Variants in SNTG2 observed in about 807,000 individuals in gnomAD.
SNTG2 encodes the protein syntrophin gamma 2.
A neutral mutation model predicts 70.9 loss-of-function variants in SNTG2; 74 were observed. That is an observed-to-expected ratio of 1.04 (90% CI 0.86 to 1.27). The LOEUF (loss-of-function observed/expected upper bound fraction) is 1.27, where lower values mean the gene tolerates loss of function less well. Ranked by LOEUF, SNTG2 falls within the 50% of genes most tolerant of loss-of-function variation. SNTG2 has a pLI of 0.00. For synonymous variants in SNTG2, 278 were observed against 273.8 expected (o/e 1.02, Z -0.15); for missense variants, 717 against 690.7 (o/e 1.04, Z -0.43).
chr2:1,124,409 C>G (rs999837646), intron 4 of SNTG2, among the ~76,000 whole-genome samples: 2 of 151,890 alleles, frequency 1.3e-5, no homozygotes, highest in African/African-American at 4.8e-5. Context: ...ATTCTCCTGC[C>G]TCAGCCTCCT....
At chr2:1,246,391 C>T (rs1199545728) in intron 11 of SNTG2, among the ~76,000 whole-genome samples, 1 of 152,160 alleles carries the variant, frequency 6.6e-6, no homozygotes, top group Non-Finnish European at 1.5e-5. Context: ...AGGATGCGCC[C>T]ATCCTGGAGC....
intron 7 of SNTG2, among the ~76,000 whole-genome samples, chr2:1,168,937 G>C (rs1670938256): frequency 6.6e-6 from 1 of 152,174 alleles, no homozygotes; most frequent in African/African-American, 2.4e-5. Context: ...GTCACACGCG[G>C]CACAGTGGTG....
At chr2:1,092,967 G>T (rs535935614) in intron 2 of SNTG2, among the ~76,000 whole-genome samples, 1 of 152,296 alleles carries the variant, frequency 6.6e-6, no homozygotes, top group African/African-American at 2.4e-5. Context: ...AGAAAAGCAG[G>T]ATTGACTTTG....
At position 1,073,666 on chromosome 2, in the gene SNTG2, G is replaced by C. The variant is rs935582368; in HGVS notation, c.73-9852G>C. 7.9e-4 allele frequency among the ~76,000 whole-genome samples: 120 copies of C among 152,332 alleles called. 2 individuals are homozygous for C. The highest frequency in any genetic ancestry group is 7.8e-3 in the Admixed American group (119 of 15,308). ...TCTTTCACACACACTACATAGGAAA[G>C]TAGTCATTTAAGTAGATGTAATAAC... On this transcript the variant is annotated intron_variant, in intron 1 of 16. Transcript: ENST00000308624.
chr2:1,263,403 GTAA>G (rs1303902820), intron 13 of SNTG2, among the ~76,000 whole-genome samples: 3 of 151,982 alleles, frequency 2.0e-5, no homozygotes, highest in South Asian at 2.1e-4. Context: ...ACAAAACATA[GTAA>G]TAAGTTTATC....
At chr2:1,099,290 C>T (rs571788676) in intron 4 of SNTG2, among the ~76,000 whole-genome samples, 2 of 152,162 alleles carry the variant, frequency 1.3e-5, no homozygotes, top group Non-Finnish European at 1.5e-5. Context: ...GGAAGCAAGA[C>T]AGAGTGGGCA....
In SNTG2 at chr2:1,209,122, C is replaced by G. The variant is rs190210611; in HGVS notation, c.611C>G (p.Ser204Trp). Residue 204 changes from serine (S) to tryptophan (W), a missense_variant, in exon 9 of 17, where the codon TCG (serine) becomes TGG (tryptophan). Ser to Trp is a radical substitution (Grantham distance 177). Coordinates refer to ENST00000308624, the MANE Select transcript of SNTG2 (RefSeq NM_018968.4). The part of the protein sequence containing the change: ...SSTTAPSSPS[S>W]PIAKDPRYEK... ...GTACAGGCCCCATCGTCACCTTCCT[C>G]GCCCATAGCTAAGGACCCGAGGTAT... The G allele has an allele frequency of 3.7e-6, 6 of 1,613,864 alleles. No individual in the cohort carries two copies. Among genetic ancestry groups the G allele is most frequent in the Non-Finnish European group, 5.1e-6 (6 of 1,179,910 alleles).
In SNTG2 at chr2:1,316,326, G is replaced by A. The variant is rs1012581137; in HGVS notation, c.1439G>A (p.Arg480Gln). The A allele has an allele frequency of 3.9e-5, 60 of 1,550,454 alleles. No individual in the cohort carries two copies. The Admixed American group carries it at 7.7e-4, about 20-fold the overall frequency. The change falls in exon 16 of 17, where the codon CGA becomes CAA. Residue 480 changes from arginine to glutamine, a missense_variant. Arg to Gln is a conservative substitution (Grantham distance 43). Transcript: ENST00000308624. Reference protein sequence around the residue: ...LKGSSDDGKTRVKLLFQNLDT... With the variant: ...LKGSSDDGKTQVKLLFQNLDT... The stretch of plus-strand genomic sequence containing the variant: ...GGATCTTCAGATGATGGGAAAACTC[G>A]AGTAAAGCTGCTGTTTCAGAATCTG...
chr2:1,191,902 A>G (rs1015104157), intron 8 of SNTG2, among the ~76,000 whole-genome samples: 4 of 151,908 alleles, frequency 2.6e-5, no homozygotes, highest in African/African-American at 4.8e-5. Flanking sequence ...ATGTATGTAT[A>G]TATGTTATTT....
At chr2:1,186,662 T>C (rs1377743587) in intron 8 of SNTG2, among the ~76,000 whole-genome samples, 4 of 151,986 alleles carry the variant, frequency 2.6e-5, no homozygotes, top group Non-Finnish European at 5.9e-5. Context: ...GCTACACACT[T>C]TTAATAAACC....
intron 11 of SNTG2, among the ~76,000 whole-genome samples, chr2:1,245,488 C>A (rs1677370695): frequency 6.6e-6 from 1 of 152,176 alleles, no homozygotes; most frequent in Admixed American, 6.5e-5. Flanking sequence ...AACTATGCTT[C>A]AAATGAATCC....
chr2:961,257 A>T (rs1660340347), intron 1 of SNTG2, among the ~76,000 whole-genome samples: 1 of 152,068 alleles, frequency 6.6e-6, no homozygotes. Flanking sequence ...CCCAGGCTGG[A>T]GTGCAGTGGC....
At chr2:951,274 C>T (rs1659952044) in intron 1 of SNTG2, among the ~76,000 whole-genome samples, 1 of 152,246 alleles carries the variant, frequency 6.6e-6, no homozygotes, top group Non-Finnish European at 1.5e-5. Flanking sequence ...CCCTCCAGCC[C>T]AGTGTCTTAC....
rs146951111 is a variant in SNTG2 at position 1,332,955 on chromosome 2, A to G, written c.1488+16580A>G. ...ACCATAGTACTGAAGTCCTAGCCAG[A>G]GCAATCAGACAAGAAAAACAAATCA... is the stretch of plus-strand genomic sequence containing the variant. On this transcript the variant is annotated intron_variant, in intron 16 of 16. Coordinates refer to ENST00000308624, the MANE Select transcript of SNTG2 (RefSeq NM_018968.4). Among the ~76,000 whole-genome samples, 332 of 152,296 alleles carry G rather than the reference A, an allele frequency of 2.2e-3. 1 individual carries two copies. Among genetic ancestry groups the G allele is most frequent in the African/African-American group, 7.3e-3 (303 of 41,566 alleles).
intron 16 of SNTG2, among the ~76,000 whole-genome samples, chr2:1,349,876 T>G (rs1660488034): frequency 6.6e-6 from 1 of 152,170 alleles, no homozygotes; most frequent in South Asian, 2.1e-4. Context: ...TTATTAAACA[T>G]AGAATCAAAG....
chr2:1,189,470 C>A (rs1672444770), intron 8 of SNTG2, among the ~76,000 whole-genome samples: 1 of 152,040 alleles, frequency 6.6e-6, no homozygotes, highest in Non-Finnish European at 1.5e-5. Context: ...TTCTTCCAGA[C>A]CTTTTATTTG....
At chr2:1,113,154 C>CTTTTGTACTAA (rs1198099638) in intron 4 of SNTG2, among the ~76,000 whole-genome samples, 87,743 of 138,656 alleles carry the variant, frequency 0.63, 39,744 homozygotes, top group Admixed American at 0.68. Flanking sequence ...TGAGGAGGAT[C>CTTTTGTACTAA]GTGGGTACTA....
chr2:1,134,739 T>C (rs1159976800), intron 4 of SNTG2, among the ~76,000 whole-genome samples: 1 of 151,986 alleles, frequency 6.6e-6, no homozygotes, highest in Admixed American at 6.6e-5. Flanking sequence ...CCTCAGCCAT[T>C]GGGTGGTTGA....
intron 16 of SNTG2, among the ~76,000 whole-genome samples, chr2:1,360,713 A>G (rs1387056028): frequency 8.5e-5 from 13 of 152,152 alleles, no homozygotes; most frequent in Non-Finnish European, 7.4e-5. Flanking sequence ...AGCAGCAAAC[A>G]TACGGTGTCT....
Sources: allele counts gnomAD v4.1 joint callset (sites outside exome capture counted in the v4.1 genomes callset), GRCh38; gene constraint gnomAD v4.1.1; transcripts MANE v1.5; gene names NCBI Gene and HGNC (gene_info 2026-07-23, HGNC 2026-07-21).